Variants in DPPA2 observed in about 807,000 individuals in gnomAD.
DPPA2 encodes developmental pluripotency-associated protein 2.
Under a neutral mutation model 36.2 loss-of-function variants are expected in DPPA2, and 26 were observed. The observed-to-expected ratio is 0.72, with a 90% CI of 0.53 to 1.00. The LOEUF (loss-of-function observed/expected upper bound fraction) is 1.00, where lower values mean the gene tolerates loss of function less well. Ranked by LOEUF, DPPA2 falls within the 50% of genes least tolerant of loss-of-function variation. The pLI, the probability that DPPA2 is intolerant of heterozygous loss-of-function variation, is 0.00. For missense variants in DPPA2, 361 were observed against 365.1 expected, an observed-to-expected ratio of 0.99 and a Z score of 0.09; for synonymous variants, 113 against 123.2, an observed-to-expected ratio of 0.92 and a Z score of 0.55.
At position 109,304,637 on chromosome 3, in the gene DPPA2, A is replaced by G. The variant is rs752739720; in HGVS notation, c.692T>C (p.Leu231Pro). 1 of 1,612,372 alleles carries G rather than the reference A, an allele frequency of 6.2e-7. No individual in the cohort carries two copies. Among genetic ancestry groups the G allele is most frequent in the Admixed American group, 1.7e-5 (1 of 59,554 alleles). The change falls in exon 7 of 9, where the codon CTC becomes CCC. Residue 231 changes from leucine to proline, a missense_variant. By Grantham distance (98) the Leu-to-Pro change is moderately conservative (BLOSUM62 -3). Coordinates refer to ENST00000478945, the MANE Select transcript of DPPA2 (RefSeq NM_138815.4). ...TACCCAACCCTTTGTGTCTGCCGAG[A>G]GAAGTCTGCCATGGACCACACACCA... is the stretch of plus-strand genomic sequence containing the variant. ...VRWCVVHGRL[L>P]SADTKGWVRL...
intron 7 of DPPA2, among the ~76,000 whole-genome samples, chr3:109,304,219 G>C (rs1007137700): frequency 4.6e-5 from 7 of 151,804 alleles, no homozygotes; most frequent in African/African-American, 7.3e-5. Context: ...GTTGCAGTGA[G>C]CTGAGATCAT....
At chr3:109,315,910 G>T (rs1707777424) in intron 1 of DPPA2, among the ~76,000 whole-genome samples, 1 of 152,008 alleles carries the variant, frequency 6.6e-6, no homozygotes, top group South Asian at 2.1e-4. Flanking sequence ...AAAAAATGTA[G>T]TCTGAAAAAG....
At chr3:109,310,242 A>AAAG (rs1553694416) in intron 3 of DPPA2, among the ~76,000 whole-genome samples, 2 of 141,916 alleles carry the variant, frequency 1.4e-5, no homozygotes, top group African/African-American at 2.6e-5. Context: ...AAAAAAAAAA[A>AAAG]AAAAGAAAAA....
chr3:109,303,473 G>A (rs754504396), intron 7 of DPPA2, among the ~76,000 whole-genome samples: 3 of 151,458 alleles, frequency 2.0e-5, no homozygotes, highest in South Asian at 2.1e-4. Flanking sequence ...CGGGTTCAGC[G>A]ATTCTTCTGC....
chr3:109,304,593 C>T lies in DPPA2; in HGVS notation c.736G>A (p.Gly246Ser), dbSNP rs1452775948. 11 of 1,614,056 alleles carry T rather than the reference C, an allele frequency of 6.8e-6. No individual in the cohort carries two copies. Among genetic ancestry groups the T allele is most frequent in the Non-Finnish European group, 8.5e-6 (10 of 1,180,010 alleles). The change falls in exon 7 of 9, where the codon GGT becomes AGT. Residue 246 changes from glycine to serine, a missense_variant. Physicochemically the swap from Gly to Ser is moderately conservative, Grantham distance 56. Transcript: ENST00000478945. ...KGWVRLQFHA[G>S]QAWVPTTHRR... ...TGAGTGGTAGGCACCCAGGCCTGACCTGCATGAAACTGCAGGCGTACCCAA... is the reference window on the plus strand; with the variant it reads ...TGAGTGGTAGGCACCCAGGCCTGACTTGCATGAAACTGCAGGCGTACCCAA...
At chr3:109,308,347 T>A (rs531023253) in intron 5 of DPPA2, 54 bp from the exon 6 acceptor site, 1 of 1,559,248 alleles carries the variant, frequency 6.4e-7, no homozygotes, top group Admixed American at 2.1e-5. Context: ...CTGTAAGGAC[T>A]TTTGGGTCAA....
At chr3:109,306,975 ATT>A (rs201116837) in intron 6 of DPPA2, among the ~76,000 whole-genome samples, 1 of 148,220 alleles carries the variant, frequency 6.7e-6, no homozygotes, top group African/African-American at 2.5e-5. Flanking sequence ...CCCGGCCAAG[ATT>A]TTTTTTTTAA....
intron 7 of DPPA2, among the ~76,000 whole-genome samples, chr3:109,300,866 G>A (rs1286571960): frequency 6.7e-6 from 1 of 150,336 alleles, no homozygotes; most frequent in Non-Finnish European, 1.5e-5. Context: ...GAGTTCCTGA[G>A]TCATTTGCCC....
intron 3 of DPPA2, among the ~76,000 whole-genome samples, chr3:109,311,076 A>G (rs544620501): frequency 6.6e-6 from 1 of 152,164 alleles, no homozygotes; most frequent in Admixed American, 6.5e-5. Context: ...CACTGGGATT[A>G]TAGGTGTAAG....
intron 8 of DPPA2, among the ~76,000 whole-genome samples, chr3:109,298,212 C>T (rs1379830024): frequency 1.3e-5 from 2 of 152,268 alleles, no homozygotes; most frequent in Middle Eastern, 3.4e-3. Context: ...GGATAAATGT[C>T]ATTTTACATT....
intron 6 of DPPA2, among the ~76,000 whole-genome samples, chr3:109,305,334 G>C (rs1418372415): frequency 6.6e-6 from 1 of 152,068 alleles, no homozygotes; most frequent in Admixed American, 6.6e-5. Flanking sequence ...TCACAGGTGA[G>C]ATAAACGAAG....
intron 5 of DPPA2, 50 bp from the exon 6 acceptor site, chr3:109,308,343 G>T (rs746050713): frequency 1.3e-6 from 2 of 1,565,908 alleles, no homozygotes; most frequent in South Asian, 1.2e-5. Context: ...AGGGCTGTAA[G>T]GACTTTTGGG....
At chr3:109,305,642 C>T (rs567879851) in intron 6 of DPPA2, among the ~76,000 whole-genome samples, 1 of 152,066 alleles carries the variant, frequency 6.6e-6, no homozygotes, top group Non-Finnish European at 1.5e-5. Flanking sequence ...GGTGTGGTGG[C>T]ACGCGCCTGT....
chr3:109,311,292 T>C (rs1707705256), intron 3 of DPPA2, among the ~76,000 whole-genome samples: 1 of 152,160 alleles, frequency 6.6e-6, no homozygotes, highest in South Asian at 2.1e-4. Context: ...ACATTGTCTA[T>C]CCCCAATCAA....
At chr3:109,314,069 A>G (rs1707752001) in intron 2 of DPPA2, among the ~76,000 whole-genome samples, 1 of 151,988 alleles carries the variant, frequency 6.6e-6, no homozygotes, top group African/African-American at 2.4e-5. Flanking sequence ...AAAGTAACCA[A>G]TTGGTCACTT....
At chr3:109,304,965 G>A (rs546053122) in intron 6 of DPPA2, among the ~76,000 whole-genome samples, 1 of 152,076 alleles carries the variant, frequency 6.6e-6, no homozygotes, top group East Asian at 1.9e-4. Context: ...TGACCAATGT[G>A]GAGAAACCTC....
intron 8 of DPPA2, among the ~76,000 whole-genome samples, chr3:109,298,135 G>A (rs1182456023): frequency 1.3e-5 from 2 of 152,112 alleles, no homozygotes; most frequent in Non-Finnish European, 2.9e-5. Context: ...GGCTTGCGGG[G>A]AGGGATGAAT....
rs953921337 is a variant in DPPA2, at chr3:109,315,021, G to A, written c.-13-466C>T. Among the ~76,000 whole-genome samples, 3 of 152,040 alleles carry A rather than the reference G, an allele frequency of 2.0e-5. No individual in the cohort carries two copies. In the East Asian group the frequency reaches 5.8e-4, roughly 29 times the overall value. ...GCGCAGGTTACAGCGATCCGAGATC[G>A]CACCACTGCACTCCAGCTTCGCGAG... On this transcript the variant is annotated intron_variant, in intron 1 of 8. Transcript: ENST00000478945.
chr3:109,306,018 G>A (rs1301066455), intron 6 of DPPA2, among the ~76,000 whole-genome samples: 3 of 152,170 alleles, frequency 2.0e-5, no homozygotes, highest in Non-Finnish European at 4.4e-5. Context: ...AAGAAAATAA[G>A]TGGTACACTC....
Sources: allele counts gnomAD v4.1 joint callset (sites outside exome capture counted in the v4.1 genomes callset), GRCh38; gene constraint gnomAD v4.1.1; transcripts MANE v1.5; gene names NCBI Gene and HGNC (gene_info 2026-07-23, HGNC 2026-07-21).